ENDOD1: variants seen among roughly 807,000 people sequenced by gnomAD.
ENDOD1 encodes the protein endonuclease domain containing 1.
Under a neutral mutation model 6.5 loss-of-function variants are expected in ENDOD1, and 9 were observed. That is an observed-to-expected ratio of 1.39 (90% CI 0.84 to 2.43). ENDOD1 has a LOEUF of 2.43. Ranked by LOEUF, ENDOD1 falls within the 30% of genes most tolerant of loss-of-function variation. The pLI, the probability that ENDOD1 is intolerant of heterozygous loss-of-function variation, is 0.00. For missense variants in ENDOD1, 648 were observed against 635.5 expected, an observed-to-expected ratio of 1.02 and a Z score of -0.21; for synonymous variants, 255 against 255.2, an observed-to-expected ratio of 1.00 and a Z score of 0.01.
Position 95,090,096 on chromosome 11 carries a change from C to G in ENDOD1, c.169C>G (p.Gln57Glu). The change falls in exon 1 of 2, where the codon CAG (glutamine) becomes GAG (glutamate). Residue 57 changes from glutamine (Q) to glutamate (E), a missense_variant. Transcript: ENST00000278505. Reference sequence around the variant, plus strand: ...GGCCGATTCCCACGTGAAGATCTGTCAGCGCGCGGAGGGTGCTGAGCGCTT... The same window carrying G: ...GGCCGATTCCCACGTGAAGATCTGTGAGCGCGCGGAGGGTGCTGAGCGCTT... ...LAADSHVKIC[Q>E]RAEGAERFAT... The G allele has an allele frequency of 1.3e-6, 2 of 1,596,538 alleles. No homozygotes were observed. The highest frequency in any genetic ancestry group is 1.7e-6 in the Non-Finnish European group (2 of 1,173,152).
chr11:95,120,981 C>G (rs1859257783), intron 1 of ENDOD1, among the ~76,000 whole-genome samples: 1 of 152,182 alleles, frequency 6.6e-6, no homozygotes, highest in African/African-American at 2.4e-5. Flanking sequence ...CTCGCAGTTG[C>G]TGTACTCCCC....
At position 95,130,644 on chromosome 11, in the gene ENDOD1, A is replaced by G. The variant is rs951362028; in HGVS notation, c.*1065A>G. ...CAACTATATAGAAAAGAGCCACAAAATAAAGATAAAAGTTATTGTGGCCAT... is the reference window on the plus strand; with the variant it reads ...CAACTATATAGAAAAGAGCCACAAAGTAAAGATAAAAGTTATTGTGGCCAT... On this transcript the variant is annotated 3_prime_UTR_variant, in exon 2 of 2. Transcript: ENST00000278505. The G allele has an allele frequency of 6.6e-6, 1 of 152,184 alleles. No homozygotes were observed. Among genetic ancestry groups the G allele is most frequent in the Admixed American group, 6.5e-5 (1 of 15,288 alleles). 9.4% of individuals were successfully genotyped at this position (152,184 alleles called of 1,614,324 possible).
Position 95,101,188 on chromosome 11 carries a change from C to G in ENDOD1, c.300+10961C>G, listed in dbSNP as rs571510642. ...ACTATTCAACTATGCTATTTTAGTACAGAACAGCCACAGACAATACATAAA... is the reference window on the plus strand; with the variant it reads ...ACTATTCAACTATGCTATTTTAGTAGAGAACAGCCACAGACAATACATAAA... On this transcript the variant is annotated intron_variant, in intron 1 of 1. Transcript: ENST00000278505. Among the ~76,000 whole-genome samples, 31 of 152,092 alleles carry G rather than the reference C, an allele frequency of 2.0e-4. 1 individual carries two copies. The highest frequency in any genetic ancestry group is 2.0e-3 in the Admixed American group (31 of 15,270).
rs745342356 is a variant in ENDOD1 at position 95,129,625 on chromosome 11, G to A, written c.*46G>A. On this transcript the variant is annotated 3_prime_UTR_variant, in exon 2 of 2. Transcript: ENST00000278505. ...CCAGTCACAGTGAATTTGAAAGCTG[G>A]AATAGTTTGTCTTTACAATGGGTTT... 10 of 1,559,234 alleles carry A rather than the reference G, an allele frequency of 6.4e-6. 1 individual carries two copies. In the East Asian group the frequency reaches 2.3e-4, roughly 35 times the overall value.
At position 95,090,135 on chromosome 11, in the gene ENDOD1, A is replaced by G. The variant is rs1555109684; in HGVS notation, c.208A>G (p.Ser70Gly). 1.3e-6 allele frequency: 2 copies of G among 1,539,160 alleles called. No individual in the cohort carries two copies. Among genetic ancestry groups the G allele is most frequent in the South Asian group, 1.2e-5 (1 of 82,118 alleles). Reference protein sequence around the residue: ...EGAERFATLYSTRDRIPVYSA... With the variant: ...EGAERFATLYGTRDRIPVYSA... ...TGCTGAGCGCTTCGCCACCCTCTACAGCACCCGGGACCGCATCCCCGTGTA... is the reference window on the plus strand; with the variant it reads ...TGCTGAGCGCTTCGCCACCCTCTACGGCACCCGGGACCGCATCCCCGTGTA... Residue 70 changes from serine (S) to glycine (G), a missense_variant, in exon 1 of 2, where the codon AGC becomes GGC. Transcript: ENST00000278505.
chr11:95,118,486 C>G (rs915500187), intron 1 of ENDOD1, among the ~76,000 whole-genome samples: 10 of 152,192 alleles, frequency 6.6e-5, no homozygotes, highest in African/African-American at 2.4e-4. Context: ...GAATGCCACT[C>G]TCCCCTGGCC....
rs2134176897 is a variant in ENDOD1, at chr11:95,129,598, A to G, written c.*19A>G. 2 of 1,591,506 alleles carry G rather than the reference A, an allele frequency of 1.3e-6. No homozygotes were observed. Among genetic ancestry groups the G allele is most frequent in the Non-Finnish European group, 8.6e-7 (1 of 1,167,296 alleles). ...GTTATAAACTCAAAAAACTAATAGT[A>G]TCCAGTCACAGTGAATTTGAAAGCT... On this transcript the variant is annotated 3_prime_UTR_variant, in exon 2 of 2. Transcript: ENST00000278505.
In ENDOD1 at chr11:95,121,222, G is replaced by A. The variant is rs148807369; in HGVS notation, c.301-7155G>A. On this transcript the variant is annotated intron_variant, in intron 1 of 1. Transcript: ENST00000278505. ...TGGTGTCCTTATGGGGAAATGATCA[G>A]TGGAGCCTTCTATTCTGCCATCTTG... Among the ~76,000 whole-genome samples the A allele has an allele frequency of 9.8e-5, 15 of 152,314 alleles. No individual in the cohort carries two copies. In the South Asian group the frequency reaches 2.1e-3, roughly 21 times the overall value.
chr11:95,129,269 C>T lies in ENDOD1; in HGVS notation c.1193C>T (p.Pro398Leu), dbSNP rs1859345868. 6.2e-7 allele frequency: 1 copy of T among 1,613,998 alleles called. No homozygotes were observed. Among genetic ancestry groups the T allele is most frequent in the Non-Finnish European group, 8.5e-7 (1 of 1,180,038 alleles). ...MAIGEELVSI[P>L]WKVLKVVAKV... ...ATTGGGGAAGAGTTGGTGAGCATTC[C>T]CTGGAAGGTGCTCAAGGTCGTGGCC... is the stretch of plus-strand genomic sequence containing the variant. Residue 398 changes from proline to leucine, a missense_variant, in exon 2 of 2, where the codon CCC (proline) becomes CTC (leucine). Transcript: ENST00000278505.
Position 95,128,563 on chromosome 11 carries a change from T to C in ENDOD1, c.487T>C (p.Ser163Pro). 6.2e-7 allele frequency: 1 copy of C among 1,614,210 alleles called. No individual in the cohort carries two copies. Among genetic ancestry groups the C allele is most frequent in the Non-Finnish European group, 8.5e-7 (1 of 1,180,042 alleles). ...VQVATFTLTNSAPMTQSFQER... is the reference protein window; with the variant it reads ...VQVATFTLTNPAPMTQSFQER... The stretch of plus-strand genomic sequence containing the variant: ...GGTGGCCACATTTACTCTCACAAAT[T>C]CAGCCCCAATGACTCAGTCCTTCCA... Residue 163 changes from serine (S) to proline (P), a missense_variant, in exon 2 of 2, where the codon TCA becomes CCA. Transcript: ENST00000278505.
intron 1 of ENDOD1, among the ~76,000 whole-genome samples, chr11:95,107,735 A>G (rs1234782535): frequency 2.0e-5 from 3 of 152,040 alleles, no homozygotes; most frequent in African/African-American, 7.2e-5. Flanking sequence ...ATCTCGGCTC[A>G]CTGCAACTTC....
chr11:95,109,011 G>A (rs1435265622), intron 1 of ENDOD1, among the ~76,000 whole-genome samples: 1 of 152,202 alleles, frequency 6.6e-6, no homozygotes, highest in Non-Finnish European at 1.5e-5. Context: ...TTACATCCCA[G>A]TGTGTGTGGG....
At chr11:95,111,681 C>T (rs958542183) in intron 1 of ENDOD1, among the ~76,000 whole-genome samples, 1 of 152,096 alleles carries the variant, frequency 6.6e-6, no homozygotes, top group African/African-American at 2.4e-5. Context: ...AGAGCTTAGA[C>T]GGTGATGCAA....
chr11:95,104,272 C>A (rs1485998500), intron 1 of ENDOD1, among the ~76,000 whole-genome samples: 4 of 151,980 alleles, frequency 2.6e-5, no homozygotes, highest in African/African-American at 7.3e-5. Context: ...TGTGGGGAAA[C>A]CCCGTCTCTA....
At chr11:95,113,556 A>G (rs1324772178) in intron 1 of ENDOD1, among the ~76,000 whole-genome samples, 2 of 152,180 alleles carry the variant, frequency 1.3e-5, no homozygotes, top group East Asian at 3.8e-4. Context: ...AGTTCCATCT[A>G]TGTTGTTGCA....
intron 1 of ENDOD1, among the ~76,000 whole-genome samples, chr11:95,120,861 T>C (rs1859256470): frequency 6.6e-6 from 1 of 152,182 alleles, no homozygotes; most frequent in Admixed American, 6.5e-5. Flanking sequence ...ATTGGCAGCT[T>C]TTCTCTGGCT....
chr11:95,095,378 G>C (rs1298529610), intron 1 of ENDOD1, among the ~76,000 whole-genome samples: 1 of 2,522 alleles, frequency 4.0e-4, no homozygotes, highest in Non-Finnish European at 9.4e-4. Flanking sequence ...CCAGTCTATT[G>C]TGCTGAGACT....
At chr11:95,116,116 C>T (rs1555112466) in intron 1 of ENDOD1, among the ~76,000 whole-genome samples, 3 of 152,220 alleles carry the variant, frequency 2.0e-5, no homozygotes, top group African/African-American at 7.2e-5. Context: ...GTCATTAAGT[C>T]CCAGGATTTT....
intron 1 of ENDOD1, among the ~76,000 whole-genome samples, chr11:95,122,138 T>C (rs1859267575): frequency 6.6e-6 from 1 of 152,204 alleles, no homozygotes; most frequent in Non-Finnish European, 1.5e-5. Context: ...CATGGAAAAA[T>C]ACATCTACTC....
Sources: gnomAD v4.1 joint callset for allele counts (sites outside exome capture counted in the v4.1 genomes callset) on GRCh38, gnomAD v4.1.1 for gene constraint, MANE v1.5 for transcripts, NCBI Gene and HGNC (gene_info 2026-07-23, HGNC 2026-07-21) for gene names.